The following CSMD3 variants were observed in gnomAD, a reference collection of about 807,000 sequenced individuals.
CSMD3 encodes the protein CUB and sushi domain-containing protein 3.
A neutral mutation model predicts 435.2 loss-of-function variants in CSMD3; 177 were observed. That is an observed-to-expected ratio of 0.41 (90% CI 0.36 to 0.46). CSMD3 has a LOEUF of 0.46. CSMD3 is among the 20% of genes least tolerant of loss of function. The pLI is 0.34. For synonymous variants in CSMD3, 1,656 were observed against 1,520.5 expected (o/e 1.09, Z -2.07); for missense variants, 4,265 against 4,504.6 (o/e 0.95, Z 1.52).
At chr8:113,327,420 G>T (rs2093991343) in intron 1 of CSMD3, among the ~76,000 whole-genome samples, 1 of 151,924 alleles carries the variant, frequency 6.6e-6, no homozygotes, top group Non-Finnish European at 1.5e-5. Context: ...CCCAAATCTG[G>T]AATTAATATA....
intron 3 of CSMD3, among the ~76,000 whole-genome samples, chr8:113,239,113 G>A (rs944338808): frequency 1.3e-5 from 2 of 152,154 alleles, no homozygotes; most frequent in Middle Eastern, 3.4e-3. Context: ...GGGACACTAC[G>A]CTTTTCCTGC....
chr8:112,944,073 A>T (rs2083531139), intron 9 of CSMD3, among the ~76,000 whole-genome samples: 3 of 151,730 alleles, frequency 2.0e-5, no homozygotes. Flanking sequence ...TAGCAAGGCA[A>T]CATTTCTACA....
intron 12 of CSMD3, among the ~76,000 whole-genome samples, chr8:112,805,851 A>G (rs1310960501): frequency 6.6e-6 from 1 of 152,136 alleles, no homozygotes; most frequent in East Asian, 1.9e-4. Context: ...TACAGAAAAA[A>G]CTTAAAGAAA....
chr8:113,395,756 G>A (rs953587700), intron 1 of CSMD3, among the ~76,000 whole-genome samples: 1 of 152,096 alleles, frequency 6.6e-6, no homozygotes, highest in Non-Finnish European at 1.5e-5. Flanking sequence ...TAATTACAGA[G>A]CCTTCTGCCA....
chr8:113,018,023 G>T (rs2131164217), intron 6 of CSMD3, among the ~76,000 whole-genome samples: 1 of 152,014 alleles, frequency 6.6e-6, no homozygotes, highest in Non-Finnish European at 1.5e-5. Flanking sequence ...CTTTAGAAAT[G>T]ATCATTATTG....
At chr8:113,130,627 A>C (rs2131679953) in intron 4 of CSMD3, among the ~76,000 whole-genome samples, 1 of 152,250 alleles carries the variant, frequency 6.6e-6, no homozygotes, top group South Asian at 2.1e-4. Flanking sequence ...GAAAAGATAG[A>C]CTAATACAGA....
chr8:112,940,421 C>T (rs1255550617), intron 9 of CSMD3, among the ~76,000 whole-genome samples: 2 of 151,698 alleles, frequency 1.3e-5, no homozygotes, highest in East Asian at 1.9e-4. Flanking sequence ...TCAGAAAAGG[C>T]ATCAATTAAG....
At chr8:113,249,415 G>A (rs888384813) in intron 3 of CSMD3, among the ~76,000 whole-genome samples, 26 of 152,160 alleles carry the variant, frequency 1.7e-4, no homozygotes, top group South Asian at 4.1e-4. Flanking sequence ...ATGTAGTATT[G>A]TGAAAGATGG....
rs2093564643 is a variant in CSMD3, at chr8:113,275,762, G to C, written c.514+2830C>G. ...TGCTTGTAATCCCAGTGCTTTGAGA[G>C]ATAGAGGCAGGAAAATCGCTAGAAG... On this transcript the variant is annotated intron_variant, in intron 3 of 70. Transcript: ENST00000297405. Among the ~76,000 whole-genome samples, 3 of 152,148 alleles carry C rather than the reference G, an allele frequency of 2.0e-5. No homozygotes were observed. In the South Asian group the frequency reaches 6.2e-4, roughly 32 times the overall value.
intron 4 of CSMD3, among the ~76,000 whole-genome samples, chr8:113,145,514 T>C (rs961821309): frequency 9.9e-5 from 15 of 151,590 alleles, no homozygotes; most frequent in South Asian, 6.2e-4. Context: ...TTTTACTATT[T>C]GTCATGTATC....
chr8:112,967,270 G>A (rs2084455673), intron 7 of CSMD3, among the ~76,000 whole-genome samples: 1 of 151,794 alleles, frequency 6.6e-6, no homozygotes, highest in Admixed American at 6.6e-5. Flanking sequence ...TCATGCTAAA[G>A]TGACTCCTTT....
intron 5 of CSMD3, among the ~76,000 whole-genome samples, chr8:113,087,029 T>TTC (rs763321761): frequency 1.3e-5 from 2 of 152,104 alleles, no homozygotes; most frequent in African/African-American, 2.4e-5. Flanking sequence ...AGACACCTGA[T>TTC]TCTCTCTCTC....
chr8:112,633,396 G>T (rs1330239812), intron 22 of CSMD3, among the ~76,000 whole-genome samples: 5 of 151,920 alleles, frequency 3.3e-5, no homozygotes, highest in Non-Finnish European at 7.4e-5. Context: ...TCATAAATCT[G>T]CTCCTGGGTT....
chr8:112,306,920 T>C (rs933025845), intron 50 of CSMD3, among the ~76,000 whole-genome samples: 1 of 152,142 alleles, frequency 6.6e-6, no homozygotes, highest in Admixed American at 6.6e-5. Flanking sequence ...ATTTGCCTAG[T>C]TTGTTGTATA....
At chr8:112,249,706 T>C (rs965874876) in intron 63 of CSMD3, among the ~76,000 whole-genome samples, 1 of 152,060 alleles carries the variant, frequency 6.6e-6, no homozygotes, top group African/African-American at 2.4e-5. Context: ...CTTACTTTAC[T>C]CAAATTCTGT....
At chr8:112,546,353 A>G (rs1827180215) in intron 27 of CSMD3, among the ~76,000 whole-genome samples, 1 of 152,192 alleles carries the variant, frequency 6.6e-6, no homozygotes, top group African/African-American at 2.4e-5. Flanking sequence ...GGGATAAAGA[A>G]GTGAGTGGCT....
At chr8:113,087,761 G>A (rs2089850000) in intron 5 of CSMD3, among the ~76,000 whole-genome samples, 1 of 152,100 alleles carries the variant, frequency 6.6e-6, no homozygotes, top group Non-Finnish European at 1.5e-5. Context: ...AACCCTAGAA[G>A]AAAACCTAGG....
chr8:113,288,362 G>A (rs1003098231), intron 2 of CSMD3, among the ~76,000 whole-genome samples: 1 of 151,776 alleles, frequency 6.6e-6, no homozygotes, highest in Non-Finnish European at 1.5e-5. Flanking sequence ...CAGAAAATTT[G>A]TTTTTACCAT....
intron 7 of CSMD3, among the ~76,000 whole-genome samples, chr8:112,955,194 T>C (rs1294397356): frequency 6.6e-6 from 1 of 151,692 alleles, no homozygotes; most frequent in African/African-American, 2.4e-5. Flanking sequence ...ATTTAGTCTA[T>C]TTGAAATGTT....
Sources: gnomAD v4.1 joint callset for allele counts (sites outside exome capture counted in the v4.1 genomes callset) on GRCh38, gnomAD v4.1.1 for gene constraint, MANE v1.5 for transcripts, NCBI Gene and HGNC (gene_info 2026-07-23, HGNC 2026-07-21) for gene names.